Variants in ITGB1 observed in about 807,000 individuals in gnomAD.
ITGB1 encodes the protein integrin beta-1.
In ITGB1, 24 loss-of-function variants were observed where a neutral mutation model predicts 86.5. The observed-to-expected ratio is 0.28, with a 90% CI of 0.20 to 0.39. ITGB1 has a LOEUF of 0.39. Among genes scored for constraint, ITGB1 ranks in the 10% least tolerant of loss-of-function variants. The pLI is 1.00. For missense variants in ITGB1, 556 were observed against 946.9 expected, an observed-to-expected ratio of 0.59 and a Z score of 5.42; for synonymous variants, 323 against 316.8, an observed-to-expected ratio of 1.02 and a Z score of -0.21.
intron 1 of ITGB1, among the ~76,000 whole-genome samples, chr10:32,943,728 G>C (rs2095024641): frequency 6.6e-6 from 1 of 152,098 alleles, no homozygotes; most frequent in African/African-American, 2.4e-5. Context: ...GTCCAAAGCA[G>C]AGCCTGGGAA....
At chr10:32,946,319 T>C (rs1365829822) in intron 1 of ITGB1, among the ~76,000 whole-genome samples, 1 of 152,170 alleles carries the variant, frequency 6.6e-6, no homozygotes. Context: ...GTAAACAAGG[T>C]GTGCCAATAA....
chr10:32,942,565 T>A (rs1320616170), intron 1 of ITGB1, among the ~76,000 whole-genome samples: 1 of 152,192 alleles, frequency 6.6e-6, no homozygotes, highest in Non-Finnish European at 1.5e-5. Context: ...AAGTCCATGC[T>A]CAAAACTCTT....
intron 1 of ITGB1, among the ~76,000 whole-genome samples, chr10:32,938,459 T>A (rs1390881781): frequency 1.3e-5 from 2 of 152,194 alleles, no homozygotes; most frequent in African/African-American, 4.8e-5. Flanking sequence ...ATTTAGACAA[T>A]CACCACTAAG....
At chr10:32,908,196 T>G (rs1321908516) in intron 15 of ITGB1, 172 bp downstream of exon 15, 3 of 638,336 alleles carry the variant, frequency 4.7e-6, no homozygotes, top group Non-Finnish European at 8.4e-6. Flanking sequence ...GGGATATATT[T>G]AGGATGCTTT....
intron 7 of ITGB1, among the ~76,000 whole-genome samples, chr10:32,923,361 C>G (rs2094955645): frequency 6.6e-6 from 1 of 152,142 alleles, no homozygotes; most frequent in Non-Finnish European, 1.5e-5. Flanking sequence ...ATCCCTTTCC[C>G]ACCCCAGTGA....
intron 1 of ITGB1, among the ~76,000 whole-genome samples, chr10:32,941,249 C>T (rs2095017610): frequency 6.6e-6 from 1 of 152,178 alleles, no homozygotes; most frequent in Non-Finnish European, 1.5e-5. Flanking sequence ...TGCATTTGGG[C>T]AGCTCCCTGC....
At chr10:32,932,747 G>C (rs2094987874) in intron 2 of ITGB1, 147 bp from the exon 3 acceptor site, 2 of 557,910 alleles carry the variant, frequency 3.6e-6, no homozygotes, top group Non-Finnish European at 6.4e-6. Flanking sequence ...CTTCCCCAAA[G>C]AGAGCAGGAT....
intron 15 of ITGB1, among the ~76,000 whole-genome samples, chr10:32,902,502 G>A (rs1377461548): frequency 6.6e-6 from 1 of 152,056 alleles, no homozygotes; most frequent in Non-Finnish European, 1.5e-5. Context: ...ATTGAAAGCA[G>A]GCTTGAAAGC....
intron 1 of ITGB1, among the ~76,000 whole-genome samples, chr10:32,954,931 A>G (rs551807385): frequency 1.3e-5 from 2 of 152,368 alleles, no homozygotes; most frequent in East Asian, 1.9e-4. Context: ...TTTTAAAACA[A>G]TAACAAATGT....
chr10:32,911,370 TCTG>T, intron 13 of ITGB1, 75 bp downstream of exon 13: 1 of 1,227,750 alleles, frequency 8.1e-7, no homozygotes, highest in Non-Finnish European at 1.2e-6. Context: ...TTGGCACTGT[TCTG>T]GTTCTAGAAA....
chr10:32,902,108 A>G (rs11009134), intron 15 of ITGB1, among the ~76,000 whole-genome samples: 2 of 152,282 alleles, frequency 1.3e-5, no homozygotes, highest in East Asian at 1.9e-4. Flanking sequence ...GGGGTCTCCT[A>G]CGGAAGTTAC....
At chr10:32,949,914 C>A (rs1176109953) in intron 1 of ITGB1, among the ~76,000 whole-genome samples, 7 of 152,020 alleles carry the variant, frequency 4.6e-5, no homozygotes, top group African/African-American at 1.7e-4. Context: ...AATTAAACAA[C>A]TACACTTTAG....
At chr10:32,934,404 T>G (rs920431731) in intron 2 of ITGB1, among the ~76,000 whole-genome samples, 1 of 152,210 alleles carries the variant, frequency 6.6e-6, no homozygotes, top group Non-Finnish European at 1.5e-5. Context: ...GTAGGTTATA[T>G]GCAAATATCA....
rs1593847693 is a variant in ITGB1 at position 32,901,342 on chromosome 10, C to A, written c.*228G>T. 1.6e-5 allele frequency: 7 copies of A among 439,212 alleles called. No homozygotes were observed. In the East Asian group the frequency reaches 2.6e-4, roughly 16 times the overall value. 27.2% of individuals were successfully genotyped at this position (439,212 alleles called of 1,614,324 possible). A position where few individuals can be genotyped will look rare whatever the true frequency, so the allele number is the denominator to read the frequency against. On this transcript the variant is annotated 3_prime_UTR_variant, in exon 16 of 16. Transcript: ENST00000302278. Reference sequence around the variant, plus strand: ...AAAAGGTCAAAAAGGCACAATGTGACCTTAGCTGACAAGAGTAACCATCCT... The same window carrying A: ...AAAAGGTCAAAAAGGCACAATGTGAACTTAGCTGACAAGAGTAACCATCCT...
chr10:32,915,355 C>CA (rs775485100), intron 11 of ITGB1, among the ~76,000 whole-genome samples: 12 of 152,146 alleles, frequency 7.9e-5, no homozygotes, highest in Middle Eastern at 6.8e-3. Context: ...AAAAGCCCTT[C>CA]AAAAAATCAA....
intron 1 of ITGB1, among the ~76,000 whole-genome samples, chr10:32,951,463 C>T (rs1295316470): frequency 2.0e-5 from 3 of 151,628 alleles, no homozygotes; most frequent in Admixed American, 2.0e-4. Context: ...ATGTGAGAAA[C>T]GGGAAAAAAA....
chr10:32,939,722 A>AAGTGAGTGAGTGAGTGAGTG (rs3035177), intron 1 of ITGB1, among the ~76,000 whole-genome samples: 3 of 149,774 alleles, frequency 2.0e-5, no homozygotes, highest in African/African-American at 7.4e-5. Flanking sequence ...CTGGGTGGGT[A>AAGTGAGTGAGTGAGTGAGTG]AGTGAGTGAG....
chr10:32,917,420 A>G (rs2094935371), intron 11 of ITGB1, among the ~76,000 whole-genome samples: 1 of 152,230 alleles, frequency 6.6e-6, no homozygotes, highest in South Asian at 2.1e-4. Flanking sequence ...ACAGAATGGG[A>G]CACAATTTTT....
intron 2 of ITGB1, among the ~76,000 whole-genome samples, chr10:32,934,757 T>C (rs1055414092): frequency 1.3e-5 from 2 of 152,214 alleles, no homozygotes; most frequent in African/African-American, 4.8e-5. Flanking sequence ...TGGATTTCTA[T>C]ACACATTAAT....
Sources: allele counts gnomAD v4.1 joint callset (sites outside exome capture counted in the v4.1 genomes callset), GRCh38; gene constraint gnomAD v4.1.1; transcripts MANE v1.5; gene names NCBI Gene and HGNC (gene_info 2026-07-23, HGNC 2026-07-21).